The following MAN1C1 variants were observed in gnomAD, a reference collection of about 807,000 sequenced individuals.
MAN1C1 encodes mannosyl-oligosaccharide 1,2-alpha-mannosidase IC.
A neutral mutation model predicts 71.5 loss-of-function variants in MAN1C1; 49 were observed. That is an observed-to-expected ratio of 0.69 (90% CI 0.54 to 0.87). MAN1C1 has a LOEUF of 0.87. MAN1C1 is among the 40% of genes least tolerant of loss of function. MAN1C1 has a pLI of 0.00. For missense variants in MAN1C1, 743 were observed against 835.0 expected (o/e 0.89, Z 1.36); for synonymous variants, 352 against 343.7 (o/e 1.02, Z -0.27).
chr1:25,695,295 G>C (rs561875330), intron 2 of MAN1C1, among the ~76,000 whole-genome samples: 2 of 152,266 alleles, frequency 1.3e-5, no homozygotes, highest in Admixed American at 1.3e-4. Context: ...AACCTTCCTG[G>C]TAGTCACATG....
chr1:25,689,808 G>A (rs1300041033), intron 2 of MAN1C1, among the ~76,000 whole-genome samples: 1 of 152,214 alleles, frequency 6.6e-6, no homozygotes, highest in Non-Finnish European at 1.5e-5. Context: ...TGCTGTGCTG[G>A]CTGAGTAGGG....
chr1:25,679,950 A>AAAT lies in MAN1C1; in HGVS notation c.541-6489_541-6488insATA, dbSNP rs1285307256. ...AGACCTCTGTCTCAAAAAAAAAAAA[A>AAAT]ATATATATATATATATATATATATA... is the stretch of plus-strand genomic sequence containing the variant. On this transcript the variant is annotated intron_variant, in intron 1 of 11. Coordinates refer to ENST00000374332, the MANE Select transcript of MAN1C1 (RefSeq NM_020379.4). Among the ~76,000 whole-genome samples, 119 of 117,194 alleles carry AAAT rather than the reference A, an allele frequency of 1.0e-3. 1 individual carries two copies. The highest frequency in any genetic ancestry group is 1.5e-3 in the South Asian group (6 of 3,938). 76.9% of individuals were successfully genotyped at this position (117,194 alleles called of 152,430 possible). A position where few individuals can be genotyped will look rare whatever the true frequency, so the allele number is the denominator to read the frequency against.
intron 1 of MAN1C1, among the ~76,000 whole-genome samples, chr1:25,620,566 G>A (rs138480945): frequency 4.6e-5 from 7 of 152,136 alleles, no homozygotes; most frequent in African/African-American, 9.7e-5. Flanking sequence ...TTCTATCTGC[G>A]TCATGCCCAG....
At chr1:25,748,477 C>T (rs2047168429) in intron 3 of MAN1C1, among the ~76,000 whole-genome samples, 1 of 152,208 alleles carries the variant, frequency 6.6e-6, no homozygotes, top group Non-Finnish European at 1.5e-5. Flanking sequence ...CCTCTCTCTG[C>T]AGCTCCCCTG....
At chr1:25,770,539 G>A (rs538264475) in intron 7 of MAN1C1, among the ~76,000 whole-genome samples, 2 of 152,322 alleles carry the variant, frequency 1.3e-5, no homozygotes, top group South Asian at 2.1e-4. Flanking sequence ...CAGCTTGATG[G>A]TCTTGGATGA....
At position 25,751,769 on chromosome 1, in the gene MAN1C1, G is replaced by A. The variant is rs74060808; in HGVS notation, c.835-1715G>A. ...ATGAGGAAACTGAGACTTAGAAGCA[G>A]TAACTGGCTCCGGGTCGCACAGTGT... On this transcript the variant is annotated intron_variant, in intron 4 of 11. Coordinates refer to ENST00000374332, the MANE Select transcript of MAN1C1 (RefSeq NM_020379.4). 6.2e-3 allele frequency among the ~76,000 whole-genome samples: 946 copies of A among 152,324 alleles called. 13 individuals are homozygous for A. The highest frequency in any genetic ancestry group is 0.021 in the African/African-American group (869 of 41,566).
At chr1:25,771,542 C>T (rs556886712) in intron 7 of MAN1C1, 115 bp from the exon 8 acceptor site, 8 of 729,488 alleles carry the variant, frequency 1.1e-5, no homozygotes, top group Admixed American at 2.3e-5. Flanking sequence ...GCGAGATGCC[C>T]GCTTCCTACC....
At chr1:25,690,764 G>A (rs1158581482) in intron 2 of MAN1C1, among the ~76,000 whole-genome samples, 2 of 152,254 alleles carry the variant, frequency 1.3e-5, no homozygotes, top group Non-Finnish European at 2.9e-5. Flanking sequence ...CTGTGGTGAG[G>A]ATTAGAGAGG....
In MAN1C1 at chr1:25,634,450, C is replaced by T. The variant is rs2045427475; in HGVS notation, c.540+16113C>T. On this transcript the variant is annotated intron_variant, in intron 1 of 11. Coordinates refer to ENST00000374332, the MANE Select transcript of MAN1C1 (RefSeq NM_020379.4). This position sits in a 1 kb window ranked among gnomAD's most constrained non-coding sequence, Gnocchi z 4.6. ...TCTGTATTGGGATTAAATTTTGTCA[C>T]ATGCTTTTTCTGCATCTATGGAGAT... 6.6e-6 allele frequency among the ~76,000 whole-genome samples: 1 copy of T among 152,170 alleles called. No individual in the cohort carries two copies. Among genetic ancestry groups the T allele is most frequent in the Non-Finnish European group, 1.5e-5 (1 of 68,034 alleles).
chr1:25,733,758 GA>G (rs1460763759), intron 2 of MAN1C1, among the ~76,000 whole-genome samples: 2 of 152,032 alleles, frequency 1.3e-5, no homozygotes, highest in African/African-American at 4.8e-5. Context: ...GTAAGAGGGG[GA>G]CAATGAGTTT....
At position 25,692,619 on chromosome 1, in the gene MAN1C1, A is replaced by G. The variant is rs574772976; in HGVS notation, c.637+6083A>G. 5.9e-5 allele frequency among the ~76,000 whole-genome samples: 9 copies of G among 152,290 alleles called. No homozygotes were observed. In the East Asian group the frequency reaches 1.7e-3, roughly 29 times the overall value. On this transcript the variant is annotated intron_variant, in intron 2 of 11. Transcript: ENST00000374332. ...AGATTGGGATTTGGCAAGTTTGAGG[A>G]CTTGCAAAGTCTTAATCCCAGTTCC...
At chr1:25,748,761 G>A (rs954766783) in intron 3 of MAN1C1, among the ~76,000 whole-genome samples, 3 of 152,202 alleles carry the variant, frequency 2.0e-5, no homozygotes, top group Non-Finnish European at 2.9e-5. Context: ...CACTGAATAC[G>A]TAGCTGCCTG....
At chr1:25,658,750 C>T (rs2045804594) in intron 1 of MAN1C1, 1 of 152,226 alleles carries the variant, frequency 6.6e-6, no homozygotes, top group African/African-American at 2.4e-5. Flanking sequence ...CCACTGCGCC[C>T]AGCCCCAAAC....
chr1:25,634,034 C>T lies in MAN1C1; in HGVS notation c.540+15697C>T, dbSNP rs534697944. Among the ~76,000 whole-genome samples, 6 of 152,092 alleles carry T rather than the reference C, an allele frequency of 3.9e-5. No homozygotes were observed. Among genetic ancestry groups the T allele is most frequent in the African/African-American group, 1.4e-4 (6 of 41,486 alleles). On this transcript the variant is annotated intron_variant, in intron 1 of 11. Coordinates refer to ENST00000374332, the MANE Select transcript of MAN1C1 (RefSeq NM_020379.4). The surrounding 1 kb of genome is among the most constrained non-coding windows in gnomAD (Gnocchi z 4.6). Reference sequence around the variant, plus strand: ...TATTTGTTTTCCAATTGTTTGTTGCCAGTACATAGAAATATAATAGGGTTT... The same window carrying T: ...TATTTGTTTTCCAATTGTTTGTTGCTAGTACATAGAAATATAATAGGGTTT...
chr1:25,751,643 C>T (rs916230500), intron 4 of MAN1C1, among the ~76,000 whole-genome samples: 5 of 152,246 alleles, frequency 3.3e-5, no homozygotes, highest in South Asian at 2.1e-4. Context: ...ATCTATCCCC[C>T]GAGCACCTCC....
intron 2 of MAN1C1, among the ~76,000 whole-genome samples, chr1:25,719,395 T>TTTTATTTATTTATTTA (rs76291035): frequency 7.1e-6 from 1 of 139,952 alleles, no homozygotes. Flanking sequence ...ATTTTTTATC[T>TTTTATTTATTTATTTA]TTTATTTATT....
At chr1:25,768,469 C>CT in intron 7 of MAN1C1, among the ~76,000 whole-genome samples, 1 of 129,024 alleles carries the variant, frequency 7.8e-6, no homozygotes, top group East Asian at 2.7e-4. Context: ...CCCTCACACA[C>CT]ACACATTACA....
intron 1 of MAN1C1, among the ~76,000 whole-genome samples, chr1:25,653,915 A>G (rs1472510342): frequency 2.0e-5 from 3 of 152,254 alleles, no homozygotes; most frequent in South Asian, 4.2e-4. Context: ...TTTGGCTGCC[A>G]CACTGGGGAT....
intron 7 of MAN1C1, among the ~76,000 whole-genome samples, chr1:25,770,966 G>C (rs2047542993): frequency 6.6e-6 from 1 of 152,212 alleles, no homozygotes; most frequent in Non-Finnish European, 1.5e-5. Flanking sequence ...CTGCGGTGAA[G>C]TGTTCCTCGG....
Sources: gnomAD v4.1 joint callset for allele counts (sites outside exome capture counted in the v4.1 genomes callset) on GRCh38, gnomAD v4.1.1 for gene constraint, Gnocchi (gnomAD v3.1) non-coding constraint, MANE v1.5 for transcripts, NCBI Gene and HGNC (gene_info 2026-07-23, HGNC 2026-07-21) for gene names.